Variants in RNF212 observed in about 807,000 individuals in gnomAD.
The protein encoded by RNF212 is ring finger protein 212.
RNF212 carries 33 observed loss-of-function variants against 34.7 expected under a neutral mutation model. The ratio of observed to expected loss-of-function variants is 0.95; its 90% CI spans 0.72 to 1.27. The LOEUF (loss-of-function observed/expected upper bound fraction) is 1.27, where lower values mean the gene tolerates loss of function less well. RNF212 is among the 50% of genes most tolerant of loss of function. RNF212 has a pLI of 0.00. For synonymous variants in RNF212, 140 were observed against 136.1 expected (o/e 1.03, Z -0.20); for missense variants, 377 against 362.2 (o/e 1.04, Z -0.33).
intron 1 of RNF212, among the ~76,000 whole-genome samples, 190 bp from the exon 2 acceptor site, chr4:1,108,594 C>T (rs1725179188): frequency 6.6e-6 from 1 of 152,158 alleles, no homozygotes; most frequent in Non-Finnish European, 1.5e-5. Flanking sequence ...CATTCTTTTC[C>T]CCTCTTTTGC....
rs1577677121 is a variant in RNF212 at position 1,079,709 on chromosome 4, G to A, written c.465-21C>T. 5 of 1,589,330 alleles carry A rather than the reference G, an allele frequency of 3.1e-6. No individual in the cohort carries two copies. The East Asian group carries it at 1.1e-4, about 35-fold the overall frequency. Reference sequence around the variant, plus strand: ...CCAGTCTGTTAAACACATAGTGAAAGGCTTTGAGTGAGCCCAGGACTTACC... The same window carrying A: ...CCAGTCTGTTAAACACATAGTGAAAAGCTTTGAGTGAGCCCAGGACTTACC... On this transcript the variant is annotated intron_variant, in intron 7 of 9. Transcript: ENST00000433731.
chr4:1,067,370 T>C (rs575609121), downstream of RNF212, among the ~76,000 whole-genome samples: 1 of 152,072 alleles, frequency 6.6e-6, no homozygotes, highest in African/African-American at 2.4e-5. Context: ...AATAATTATA[T>C]AAAATATCAA....
intron 5 of RNF212, chr4:1,081,821 T>C (rs1720402697): frequency 1.8e-6 from 1 of 569,258 alleles, no homozygotes; most frequent in Non-Finnish European, 3.1e-6. Context: ...TGAAGCCAAG[T>C]GAACTCAACA....
At chr4:1,103,832 G>A (rs930110523) in intron 2 of RNF212, among the ~76,000 whole-genome samples, 9 of 152,172 alleles carry the variant, frequency 5.9e-5, no homozygotes, top group Non-Finnish European at 1.0e-4. Context: ...TGACGAGGGC[G>A]CCAGCTAATG....
intron 2 of RNF212, 131 bp from the exon 3 acceptor site, chr4:1,096,970 T>C: frequency 2.8e-6 from 2 of 723,068 alleles, no homozygotes; most frequent in Non-Finnish European, 2.5e-6. Context: ...GTGAATGGCC[T>C]CTCAGGGGCC....
chr4:1,063,462 G>A (rs1717880659), intron 3 of RNF212, among the ~76,000 whole-genome samples: 2 of 152,152 alleles, frequency 1.3e-5, no homozygotes, highest in South Asian at 4.1e-4. Flanking sequence ...TGTAATCCCA[G>A]CACTTTGGGA....
intron 2 of RNF212, among the ~76,000 whole-genome samples, chr4:1,099,173 C>T (rs982376247): frequency 6.6e-6 from 1 of 152,162 alleles, no homozygotes. Flanking sequence ...AGAGGGCCGG[C>T]GATAAGCCAG....
Position 1,113,544 on chromosome 4 carries a change from C to G in RNF212, c.-80G>C. 2 of 1,215,014 alleles carry G rather than the reference C, an allele frequency of 1.6e-6. No individual in the cohort carries two copies. The highest frequency in any genetic ancestry group is 1.2e-6 in the Non-Finnish European group (1 of 863,572). 75.3% of individuals were successfully genotyped at this position (1,215,014 alleles called of 1,614,324 possible). On this transcript the variant is annotated 5_prime_UTR_variant, in exon 1 of 10. Coordinates refer to ENST00000433731, the MANE Select transcript of RNF212 (RefSeq NM_001131034.4). ...TTGGGACCAGCCTCCCCGCGCAGGG[C>G]CCGAAGGCGGGCAGCTCTGCGCCTG... is the stretch of plus-strand genomic sequence containing the variant.
chr4:1,079,504 G>A (rs1432157834), intron 8 of RNF212, 139 bp downstream of exon 8: 18 of 711,962 alleles, frequency 2.5e-5, no homozygotes, highest in Admixed American at 7.4e-5. Context: ...TCTCACCCAC[G>A]GGACCAGCAC....
At chr4:1,056,717 CACA>C in intron 4 of RNF212, 2 of 570,968 alleles carry the variant, frequency 3.5e-6, no homozygotes, top group South Asian at 1.5e-4. Context: ...AACTCAGAAA[CACA>C]ACTCTTGAGA....
In RNF212 at chr4:1,081,428, G is replaced by A; in HGVS notation, c.455C>T (p.Ala152Val). Residue 152 changes from alanine (A) to valine (V), a missense_variant, in exon 7 of 10, where the codon GCC becomes GTC. By Grantham distance (64) the Ala-to-Val change is moderately conservative. Coordinates refer to ENST00000433731, the MANE Select transcript of RNF212 (RefSeq NM_001131034.4). ...HGCLLPPHSS[A>V]PDRLESMEVD... ...CAAGCAACCCACACACCTGTCGGGG[G>A]CTGATGAGTGAGGTGGCAGCAGGCA... 1 of 1,613,778 alleles carries A rather than the reference G, an allele frequency of 6.2e-7. No individual in the cohort carries two copies. The highest frequency in any genetic ancestry group is 8.5e-7 in the Non-Finnish European group (1 of 1,179,778).
intron 5 of RNF212, among the ~76,000 whole-genome samples, chr4:1,084,726 CAAAAAAAAA>C (rs34470931): frequency 1.7e-5 from 1 of 60,454 alleles, no homozygotes; most frequent in African/African-American, 7.1e-5. Context: ...GACCCTGTCT[CAAAAAAAAA>C]AAAAAAAAAA....
intron 4 of RNF212, among the ~76,000 whole-genome samples, chr4:1,087,595 G>A (rs1206685070): frequency 1.3e-5 from 2 of 150,944 alleles, no homozygotes; most frequent in Non-Finnish European, 3.0e-5. Context: ...GTGGGTAATA[G>A]GATGGGGTAA....
At position 1,088,440 on chromosome 4, in the gene RNF212, G is replaced by A. The variant is rs990916305; in HGVS notation, c.303+2342C>T. On this transcript the variant is annotated intron_variant, in intron 4 of 9. Transcript: ENST00000433731. ...TTTTCTGAAGCATACAGTCACATAC[G>A]TGTTCACAAAGAGATGATCTAAAAT... Among the ~76,000 whole-genome samples, 41 of 152,310 alleles carry A rather than the reference G, an allele frequency of 2.7e-4. 2 individuals carry two copies. The highest frequency in any genetic ancestry group is 1.6e-4 in the Non-Finnish European group (11 of 68,028).
In RNF212 at chr4:1,092,631, A is replaced by T. The variant is rs567540612; in HGVS notation, c.247-1793T>A. On this transcript the variant is annotated intron_variant, in intron 3 of 9. Coordinates refer to ENST00000433731, the MANE Select transcript of RNF212 (RefSeq NM_001131034.4). The stretch of plus-strand genomic sequence containing the variant: ...GGGACAGTGAGTGTTTATCTTGCAG[A>T]GAATATGCCTCTTGAACTGAGCCAG... 1.2e-4 allele frequency among the ~76,000 whole-genome samples: 19 copies of T among 152,352 alleles called. No homozygotes were observed. The South Asian group carries it at 1.7e-3, about 13-fold the overall frequency.
In RNF212 at chr4:1,076,925, A is replaced by C. The variant is rs181102212; in HGVS notation, c.510+2718T>G. Among the ~76,000 whole-genome samples the C allele has an allele frequency of 3.3e-3, 497 of 152,324 alleles. 2 individuals are homozygous for C. Among genetic ancestry groups the C allele is most frequent in the Non-Finnish European group, 5.7e-3 (386 of 68,032 alleles). On this transcript the variant is annotated intron_variant, in intron 8 of 9. Coordinates refer to ENST00000433731, the MANE Select transcript of RNF212 (RefSeq NM_001131034.4). ...TGGACTGTCTGGTCTGCAAAGTCCA[A>C]ATGTTTTACTATCTGGCCCTTTACA...
In RNF212 at chr4:1,083,646, AC is replaced by A. The variant is rs529378072; in HGVS notation, c.363-2028del. 1.7e-3 allele frequency among the ~76,000 whole-genome samples: 248 copies of A among 148,924 alleles called. 6 individuals carry two copies. In the South Asian group the frequency reaches 0.045, roughly 27 times the overall value. On this transcript the variant is annotated intron_variant, in intron 5 of 9. Transcript: ENST00000433731. ...GAGTGAGACTCTGTCTCAAAAACAA[AC>A]AAACAAACAAACAAACAAACAAACA...
chr4:1,093,646 TG>T (rs1203739302), intron 3 of RNF212: 13 of 1,535,988 alleles, frequency 8.5e-6, no homozygotes, highest in Non-Finnish European at 1.1e-5. Flanking sequence ...AGACAGCACC[TG>T]GCCTCTGCAG....
At chr4:1,083,639 AAAACAAACAAACAAAC>A (rs76992730) in intron 5 of RNF212, among the ~76,000 whole-genome samples, 6 of 149,296 alleles carry the variant, frequency 4.0e-5, no homozygotes, top group African/African-American at 1.2e-4. Context: ...CTCTGTCTCA[AAAACAAACAAACAAAC>A]AAACAAACAA....
Sources: allele counts gnomAD v4.1 joint callset (sites outside exome capture counted in the v4.1 genomes callset), GRCh38; gene constraint gnomAD v4.1.1; transcripts MANE v1.5; gene names NCBI Gene and HGNC (gene_info 2026-07-23, HGNC 2026-07-21).